Variants in GALNT17 observed in about 807,000 individuals in gnomAD.
GALNT17 encodes UDP-GalNAc:polypeptide N-acetylgalactosaminyltransferase-like 3.
Under a neutral mutation model 63.7 loss-of-function variants are expected in GALNT17, and 29 were observed. The observed-to-expected ratio is 0.46, with a 90% CI of 0.34 to 0.62. The LOEUF (loss-of-function observed/expected upper bound fraction) is 0.62, where lower values mean the gene tolerates loss of function less well. GALNT17 is among the 20% of genes least tolerant of loss of function. The probability of loss-of-function intolerance (pLI) is 0.01; values close to 1 mark genes in which losing one functional copy is unlikely to be tolerated. For missense variants in GALNT17, 603 were observed against 799.6 expected (o/e 0.75, Z 2.97); for synonymous variants, 305 against 318.3 (o/e 0.96, Z 0.45).
intron 5 of GALNT17, among the ~76,000 whole-genome samples, chr7:71,473,192 G>A (rs1231643179): frequency 6.6e-6 from 1 of 152,192 alleles, no homozygotes; most frequent in Non-Finnish European, 1.5e-5. Context: ...AGAAATGCTT[G>A]AGTTAAGAAA....
chr7:71,574,738 T>G (rs928343686), intron 6 of GALNT17, among the ~76,000 whole-genome samples: 2 of 152,224 alleles, frequency 1.3e-5, no homozygotes, highest in Admixed American at 1.3e-4. Context: ...AATCAGAAAC[T>G]CTGGAGTGGC....
chr7:71,444,779 A>G (rs1228134505), intron 5 of GALNT17, among the ~76,000 whole-genome samples: 1 of 152,190 alleles, frequency 6.6e-6, no homozygotes, highest in African/African-American at 2.4e-5. Context: ...GTGAGGCGAG[A>G]TGGTGTCACT....
At chr7:71,271,652 T>G (rs1424388286) in intron 1 of GALNT17, among the ~76,000 whole-genome samples, 1 of 152,330 alleles carries the variant, frequency 6.6e-6, no homozygotes, top group Admixed American at 6.5e-5. Flanking sequence ...GCAATGGATA[T>G]GTAGCTGTGG....
intron 5 of GALNT17, among the ~76,000 whole-genome samples, chr7:71,440,351 A>G (rs946950928): frequency 6.7e-6 from 1 of 150,288 alleles, no homozygotes; most frequent in African/African-American, 2.4e-5. Flanking sequence ...TCTACAGCAC[A>G]GTTCAGAACT....
rs192980753 is a variant in GALNT17, at chr7:71,544,218, G to A, written c.963-27067G>A. The stretch of plus-strand genomic sequence containing the variant: ...GCAATCTCAGCTCACTGCAAGCTCC[G>A]CCTCCTGGGTTCATGCCATTCTCCT... On this transcript the variant is annotated intron_variant, in intron 5 of 10. Transcript: ENST00000333538. Among the ~76,000 whole-genome samples the A allele has an allele frequency of 2.2e-3, 322 of 145,920 alleles. 1 individual carries two copies. Among genetic ancestry groups the A allele is most frequent in the Non-Finnish European group, 3.7e-3 (250 of 67,316 alleles).
chr7:71,563,540 G>A (rs769668448), intron 5 of GALNT17, among the ~76,000 whole-genome samples: 32 of 152,094 alleles, frequency 2.1e-4, no homozygotes, highest in African/African-American at 3.9e-4. Context: ...CACTGAGCTC[G>A]CCAGCAACGC....
chr7:71,358,214 C>T (rs2116216323), intron 2 of GALNT17, among the ~76,000 whole-genome samples: 1 of 152,212 alleles, frequency 6.6e-6, no homozygotes. Flanking sequence ...CAACTGCGGA[C>T]ACAAAACCTC....
At chr7:71,254,631 C>G (rs1790257537) in intron 1 of GALNT17, among the ~76,000 whole-genome samples, 1 of 152,100 alleles carries the variant, frequency 6.6e-6, no homozygotes, top group African/African-American at 2.4e-5. Context: ...ACCTAATTCC[C>G]ATCATGGTCT....
intron 5 of GALNT17, among the ~76,000 whole-genome samples, chr7:71,520,733 A>G (rs1168519060): frequency 6.6e-6 from 1 of 152,074 alleles, no homozygotes; most frequent in Admixed American, 6.6e-5. Flanking sequence ...TGGTCGTTGG[A>G]AAGATTACTA....
At chr7:71,169,228 A>G (rs1456225615) in intron 1 of GALNT17, among the ~76,000 whole-genome samples, 1 of 152,160 alleles carries the variant, frequency 6.6e-6, no homozygotes, top group Non-Finnish European at 1.5e-5. Context: ...CCCACCTAAT[A>G]GCTGCCTCGA....
intron 1 of GALNT17, among the ~76,000 whole-genome samples, chr7:71,249,461 G>A (rs893826426): frequency 3.3e-5 from 5 of 152,138 alleles, no homozygotes; most frequent in Admixed American, 2.6e-4. Context: ...TAAATTATAT[G>A]TGTGGATTGC....
intron 1 of GALNT17, among the ~76,000 whole-genome samples, chr7:71,287,798 TC>T (rs1412259250): frequency 6.6e-6 from 1 of 152,220 alleles, no homozygotes; most frequent in East Asian, 1.9e-4. Context: ...ACGCCTGTAA[TC>T]CCAGCACTTT....
intron 1 of GALNT17, among the ~76,000 whole-genome samples, chr7:71,177,716 C>T (rs896082488): frequency 1.3e-5 from 2 of 151,512 alleles, no homozygotes; most frequent in African/African-American, 4.8e-5. Context: ...ATTAATTTTA[C>T]CAACGAGTTG....
At chr7:71,606,260 C>A (rs1485874720) in intron 6 of GALNT17, among the ~76,000 whole-genome samples, 1 of 152,050 alleles carries the variant, frequency 6.6e-6, no homozygotes, top group Admixed American at 6.6e-5. Flanking sequence ...CAACCACTTA[C>A]CCATTTAAAT....
chr7:71,583,548 T>C (rs1046234899), intron 6 of GALNT17, among the ~76,000 whole-genome samples: 3 of 152,182 alleles, frequency 2.0e-5, no homozygotes, highest in African/African-American at 7.2e-5. Flanking sequence ...GTACTCAGCC[T>C]CAGTGCAGAA....
chr7:71,143,424 A>AAAAAG (rs1252595365), intron 1 of GALNT17, among the ~76,000 whole-genome samples: 3 of 150,258 alleles, frequency 2.0e-5, no homozygotes, highest in African/African-American at 7.3e-5. Flanking sequence ...AAAAAAAAAA[A>AAAAAG]AGAAAGAAAA....
intron 6 of GALNT17, among the ~76,000 whole-genome samples, chr7:71,573,000 A>ATTTATTTTAT (rs368403918): frequency 4.6e-5 from 7 of 151,292 alleles, no homozygotes; most frequent in South Asian, 2.1e-4. Flanking sequence ...TTTTTTATTT[A>ATTTATTTTAT]TTTATTTTAT....
intron 5 of GALNT17, among the ~76,000 whole-genome samples, chr7:71,546,104 A>G (rs1396291073): frequency 2.6e-5 from 4 of 152,068 alleles, no homozygotes; most frequent in Admixed American, 6.5e-5. Context: ...AACAACAACA[A>G]CAACAACAGA....
chr7:71,206,631 G>A (rs910995195), intron 1 of GALNT17, among the ~76,000 whole-genome samples: 1 of 152,126 alleles, frequency 6.6e-6, no homozygotes, highest in South Asian at 2.1e-4. Flanking sequence ...TTTCTGTAAG[G>A]TGTAGGGGAA....
Sources: gnomAD v4.1 joint callset for allele counts (sites outside exome capture counted in the v4.1 genomes callset) on GRCh38, gnomAD v4.1.1 for gene constraint, MANE v1.5 for transcripts, NCBI Gene and HGNC (gene_info 2026-07-23, HGNC 2026-07-21) for gene names.